The following ANO3 variants were observed in gnomAD, a reference collection of about 807,000 sequenced individuals.
The protein encoded by ANO3 is anoctamin 3.
A neutral mutation model predicts 144.8 loss-of-function variants in ANO3; 99 were observed. That is an observed-to-expected ratio of 0.68 (90% CI 0.58 to 0.81). ANO3 has a LOEUF of 0.81. Among genes scored for constraint, ANO3 ranks in the 30% least tolerant of loss-of-function variants. The pLI is 0.00. For synonymous variants in ANO3, 414 were observed against 392.6 expected (o/e 1.05, Z -0.64); for missense variants, 905 against 1,202.2 (o/e 0.75, Z 3.66).
intron 14 of ANO3, among the ~76,000 whole-genome samples, chr11:26,581,528 A>G (rs1356716346): frequency 6.6e-6 from 1 of 151,904 alleles, no homozygotes; most frequent in African/African-American, 2.4e-5. Context: ...GTCTCTACTA[A>G]AAATACAAAA....
At chr11:26,199,511 A>T (rs1317289686) in intron 1 of ANO3, among the ~76,000 whole-genome samples, 2 of 152,184 alleles carry the variant, frequency 1.3e-5, no homozygotes, top group Admixed American at 6.5e-5. Context: ...GATGGGACAC[A>T]GGAATAAATT....
chr11:26,568,220 T>C (rs1386414466), intron 14 of ANO3, among the ~76,000 whole-genome samples: 1 of 152,060 alleles, frequency 6.6e-6, no homozygotes, highest in Non-Finnish European at 1.5e-5. Context: ...ATATTTTCCA[T>C]TTAATGCTAA....
At chr11:26,543,799 T>C (rs1849706854) in intron 11 of ANO3, among the ~76,000 whole-genome samples, 1 of 152,146 alleles carries the variant, frequency 6.6e-6, no homozygotes, top group Non-Finnish European at 1.5e-5. Context: ...CATCCTTTTT[T>C]ATGGCTGCAT....
At chr11:26,273,488 G>A (rs1185772696) in intron 1 of ANO3, among the ~76,000 whole-genome samples, 1 of 152,004 alleles carries the variant, frequency 6.6e-6, no homozygotes, top group African/African-American at 2.4e-5. Flanking sequence ...AGCTGTCATT[G>A]TTGTTACAGG....
intron 8 of ANO3, 138 bp downstream of exon 8, chr11:26,531,474 A>C (rs145268939): frequency 2.0e-6 from 2 of 989,246 alleles, no homozygotes; most frequent in Middle Eastern, 2.2e-4. Flanking sequence ...ATACACACTT[A>C]ACTTATAAAC....
chr11:26,597,179 T>TTCCCAAGATGGTGGCAGGCCAC (rs1285403184), intron 14 of ANO3, among the ~76,000 whole-genome samples: 1 of 151,740 alleles, frequency 6.6e-6, no homozygotes, highest in East Asian at 1.9e-4. Context: ...GTTCTTAGAG[T>TTCCCAAGATGGTGGCAGGCCAC]TCCCAAGATG....
At chr11:26,447,472 T>C (rs1449445411) in intron 3 of ANO3, among the ~76,000 whole-genome samples, 1 of 152,180 alleles carries the variant, frequency 6.6e-6, no homozygotes, top group Non-Finnish European at 1.5e-5. Flanking sequence ...GCTTGATCTC[T>C]AACCTTCTCT....
chr11:26,255,302 A>G (rs1157594182), intron 1 of ANO3, among the ~76,000 whole-genome samples: 1 of 152,176 alleles, frequency 6.6e-6, no homozygotes, highest in African/African-American at 2.4e-5. Context: ...TGCGATTGGA[A>G]GAAATGGGCT....
At chr11:26,203,274 A>C (rs1347582282) in intron 1 of ANO3, among the ~76,000 whole-genome samples, 1 of 152,142 alleles carries the variant, frequency 6.6e-6, no homozygotes, top group Admixed American at 6.6e-5. Flanking sequence ...TATGATTTTA[A>C]AACTTTAAAC....
chr11:26,401,670 A>C (rs1334787226), intron 1 of ANO3, among the ~76,000 whole-genome samples: 1 of 152,006 alleles, frequency 6.6e-6, no homozygotes, highest in African/African-American at 2.4e-5. Context: ...TGAGGTCAGG[A>C]GTTCGAGACC....
chr11:26,437,303 G>A (rs1858331051), intron 1 of ANO3, among the ~76,000 whole-genome samples: 1 of 152,174 alleles, frequency 6.6e-6, no homozygotes, highest in Non-Finnish European at 1.5e-5. Context: ...GCTCTGCCGA[G>A]ACTCCACATA....
rs1204955056 is a variant in ANO3 at position 26,619,932 on chromosome 11, A to T, written c.1837-4530A>T. Among the ~76,000 whole-genome samples the T allele has an allele frequency of 2.6e-5, 4 of 152,250 alleles. No homozygotes were observed. In the East Asian group the frequency reaches 7.7e-4, roughly 29 times the overall value. ...GAGAGCTAAGGTAATTTTGATGCACAGTCAGGATCAGAAATCACATCTTCC... is the reference window on the plus strand; with the variant it reads ...GAGAGCTAAGGTAATTTTGATGCACTGTCAGGATCAGAAATCACATCTTCC... On this transcript the variant is annotated intron_variant, in intron 17 of 26. Coordinates refer to ENST00000256737, the MANE Select transcript of ANO3 (RefSeq NM_031418.4).
chr11:26,447,530 G>C (rs1858747917), intron 3 of ANO3, among the ~76,000 whole-genome samples: 1 of 152,188 alleles, frequency 6.6e-6, no homozygotes, highest in South Asian at 2.1e-4. Context: ...AAAGTGGTTA[G>C]TGATTTCCAA....
intron 14 of ANO3, among the ~76,000 whole-genome samples, chr11:26,582,569 T>C (rs79875143): frequency 4.3e-4 from 65 of 152,306 alleles, no homozygotes; most frequent in African/African-American, 1.4e-3. Context: ...CTTTGTAAAT[T>C]AACAATTAGT....
upstream of ANO3, among the ~76,000 whole-genome samples, chr11:26,306,223 C>G (rs1208128828): frequency 6.6e-6 from 1 of 151,788 alleles, no homozygotes; most frequent in African/African-American, 2.4e-5. Context: ...ATCAGCCCGC[C>G]TCGGCCTCCC....
At chr11:26,407,146 A>G (rs575658025) in intron 1 of ANO3, among the ~76,000 whole-genome samples, 1 of 148,566 alleles carries the variant, frequency 6.7e-6, no homozygotes, top group East Asian at 2.0e-4. Context: ...CCAAAATTCA[A>G]CATTGCACAT....
intron 1 of ANO3, among the ~76,000 whole-genome samples, chr11:26,292,533 C>A (rs1853984538): frequency 6.6e-6 from 1 of 152,154 alleles, no homozygotes; most frequent in African/African-American, 2.4e-5. Flanking sequence ...TCTGGTTTCT[C>A]CCCATCTTTG....
intron 1 of ANO3, among the ~76,000 whole-genome samples, chr11:26,289,894 T>C (rs1853916178): frequency 6.6e-6 from 1 of 151,882 alleles, no homozygotes; most frequent in Non-Finnish European, 1.5e-5. Context: ...TTTTTTGTTG[T>C]ATCTCTGCCA....
intron 21 of ANO3, among the ~76,000 whole-genome samples, chr11:26,640,115 T>G (rs976393615): frequency 2.0e-5 from 3 of 152,190 alleles, no homozygotes; most frequent in Non-Finnish European, 2.9e-5. Flanking sequence ...CTATAAAGTA[T>G]TGTGTTAATT....
Sources: gnomAD v4.1 joint callset for allele counts (sites outside exome capture counted in the v4.1 genomes callset) on GRCh38, gnomAD v4.1.1 for gene constraint, MANE v1.5 for transcripts, NCBI Gene and HGNC (gene_info 2026-07-23, HGNC 2026-07-21) for gene names.